Variants in IL2RB observed in about 807,000 individuals in gnomAD.
The protein encoded by IL2RB is interleukin-2 receptor subunit beta.
In IL2RB, 17 loss-of-function variants were observed where a neutral mutation model predicts 44.2. The observed-to-expected ratio is 0.38, with a 90% CI of 0.26 to 0.58. The LOEUF (loss-of-function observed/expected upper bound fraction) is 0.58. IL2RB is among the 20% of genes least tolerant of loss of function. The pLI is 0.63. For missense variants in IL2RB, 624 were observed against 685.5 expected (o/e 0.91, Z 1.00); for synonymous variants, 286 against 297.9 (o/e 0.96, Z 0.41).
At chr22:37,146,442 C>T (rs966101959) in intron 1 of IL2RB, among the ~76,000 whole-genome samples, 11 of 152,136 alleles carry the variant, frequency 7.2e-5, no homozygotes, top group African/African-American at 1.4e-4. Context: ...ACACACACAC[C>T]GCACCTACCT....
chr22:37,148,036 C>A (rs188806575), intron 1 of IL2RB, among the ~76,000 whole-genome samples: 6 of 152,326 alleles, frequency 3.9e-5, no homozygotes, highest in African/African-American at 1.2e-4. Flanking sequence ...ACAGGAACTG[C>A]AGAGAGCCCC....
intron 7 of IL2RB, 117 bp from the exon 8 acceptor site, chr22:37,135,559 G>A (rs1921647120): frequency 1.5e-6 from 1 of 649,992 alleles, no homozygotes; most frequent in Non-Finnish European, 2.8e-6. Flanking sequence ...CTGCGTCTGG[G>A]GGGCTGGGGA....
At chr22:37,132,931 G>A (rs911069942) in intron 8 of IL2RB, among the ~76,000 whole-genome samples, 1 of 152,210 alleles carries the variant, frequency 6.6e-6, no homozygotes, top group African/African-American at 2.4e-5. Flanking sequence ...ACTGCCCAAG[G>A]GCATTAGGCT....
chr22:37,141,127 C>G lies in IL2RB; in HGVS notation c.282+1307G>C, dbSNP rs1371567657. Reference sequence around the variant, plus strand: ...GGCTGTGGACCCAGGCCTCCTGGTGCTGTTGGGGGCTGGGATCAGGCAAGA... The same window carrying G: ...GGCTGTGGACCCAGGCCTCCTGGTGGTGTTGGGGGCTGGGATCAGGCAAGA... On this transcript the variant is annotated intron_variant, in intron 4 of 9. Transcript: ENST00000216223. This position sits in a 1 kb window ranked among gnomAD's most constrained non-coding sequence, Gnocchi z 4.4. Among the ~76,000 whole-genome samples the G allele has an allele frequency of 1.3e-5, 2 of 152,118 alleles. No individual in the cohort carries two copies. The highest frequency in any genetic ancestry group is 4.8e-5 in the African/African-American group (2 of 41,446).
intron 3 of IL2RB, chr22:37,142,731 T>C (rs1296461735): frequency 1.4e-6 from 1 of 698,162 alleles, no homozygotes; most frequent in African/African-American, 1.8e-5. Context: ...CCCAGCCTGG[T>C]CCCACGGCAG....
chr22:37,146,437 C>T (rs1460196767), intron 1 of IL2RB, among the ~76,000 whole-genome samples: 2 of 152,192 alleles, frequency 1.3e-5, no homozygotes, highest in African/African-American at 2.4e-5. Context: ...AAAGCACACA[C>T]ACACCGCACC....
rs769321719 is a variant in IL2RB, at chr22:37,144,168, G to A, written c.5C>T (p.Ala2Val). The A allele has an allele frequency of 3.2e-5, 49 of 1,550,822 alleles. No homozygotes were observed. Among genetic ancestry groups the A allele is most frequent in the Non-Finnish European group, 3.7e-5 (42 of 1,146,666 alleles). ...CAGACGCCAGGACAGAGCAGGGGCC[G>A]CCATTACATCCACAGGGTGGAGCCG... M[A>V]APALSWRLPL... is the part of the protein sequence containing the mutation. Residue 2 changes from alanine (A) to valine (V), a missense_variant, in exon 2 of 10, where the codon GCG becomes GTG. Physicochemically the swap from Ala to Val is moderately conservative, Grantham distance 64. Around this residue, in one of 3 missense-constraint regions of IL2RB, gnomAD observed 78 missense variants for 70.0 expected, o/e 1.11. Coordinates refer to ENST00000216223, the MANE Select transcript of IL2RB (RefSeq NM_000878.5).
chr22:37,135,297 G>T, intron 8 of IL2RB, 31 bp downstream of exon 8: 1 of 1,476,394 alleles, frequency 6.8e-7, no homozygotes, highest in Non-Finnish European at 9.5e-7. Context: ...AGGGGTGGGA[G>T]CATGAAGGAA....
At chr22:37,144,459 G>A (rs1922129679) in intron 1 of IL2RB, among the ~76,000 whole-genome samples, 1 of 152,126 alleles carries the variant, frequency 6.6e-6, no homozygotes, top group Non-Finnish European at 1.5e-5. Flanking sequence ...AGAAGCACCC[G>A]TCGTGGCCAG....
intron 8 of IL2RB, among the ~76,000 whole-genome samples, chr22:37,134,168 AT>A: frequency 6.6e-6 from 1 of 152,354 alleles, no homozygotes; most frequent in Admixed American, 6.5e-5. Flanking sequence ...ATAATAAAAA[AT>A]AATACAAATT....
intron 1 of IL2RB, among the ~76,000 whole-genome samples, chr22:37,169,012 A>C (rs1256438497): frequency 6.6e-6 from 1 of 151,592 alleles, no homozygotes; most frequent in Non-Finnish European, 1.5e-5. Context: ...TGCTGTTTAC[A>C]GAGGGGTTCT....
At chr22:37,137,824 T>C in intron 5 of IL2RB, 89 bp from the exon 6 acceptor site, 1 of 1,209,706 alleles carries the variant, frequency 8.3e-7, no homozygotes, top group Non-Finnish European at 1.2e-6. Flanking sequence ...TGGCACATGC[T>C]ACCACCTCCC....
At chr22:37,140,772 G>A (rs1921927399) in intron 4 of IL2RB, among the ~76,000 whole-genome samples, 2 of 152,164 alleles carry the variant, frequency 1.3e-5, no homozygotes, top group Non-Finnish European at 2.9e-5. Flanking sequence ...TATGGACATG[G>A]CCATATGCCC....
At chr22:37,174,192 C>A (rs865935325) in intron 1 of IL2RB, among the ~76,000 whole-genome samples, 2 of 152,336 alleles carry the variant, frequency 1.3e-5, no homozygotes, top group Middle Eastern at 3.4e-3. Flanking sequence ...GATTCTCTTT[C>A]ACCCACCCTT....
At chr22:37,129,469 G>A (rs3218325) in intron 9 of IL2RB, among the ~76,000 whole-genome samples, 2,062 of 39,272 alleles carry the variant, frequency 0.053, 52 homozygotes, top group African/African-American at 0.15. Flanking sequence ...CACCCCCTCC[G>A]CCTCCCATCC....
At chr22:37,144,487 G>A (rs1255854217) in intron 1 of IL2RB, among the ~76,000 whole-genome samples, 1 of 152,220 alleles carries the variant, frequency 6.6e-6, no homozygotes, top group African/African-American at 2.4e-5. Context: ...GCTCATGCCT[G>A]TAATCCCAGC....
chr22:37,143,448 G>T, intron 3 of IL2RB, 73 bp downstream of exon 3: 1 of 987,696 alleles, frequency 1.0e-6, no homozygotes, highest in Non-Finnish European at 1.6e-6. Context: ...TGACTCCTTG[G>T]AGTCCAGTGC....
intron 2 of IL2RB, among the ~76,000 whole-genome samples, 179 bp downstream of exon 2, chr22:37,143,906 T>C (rs1359149310): frequency 2.3e-5 from 3 of 131,934 alleles, no homozygotes; most frequent in African/African-American, 1.0e-4. Flanking sequence ...TGTGTGTGTG[T>C]GTGTGTGTGT....
chr22:37,143,477 G>T (rs1247744265), intron 3 of IL2RB, 44 bp downstream of exon 3: 1 of 1,310,314 alleles, frequency 7.6e-7, no homozygotes, highest in African/African-American at 1.5e-5. Context: ...CAGAATATGA[G>T]ATCCCACCAT....
Sources: allele counts gnomAD v4.1 joint callset (sites outside exome capture counted in the v4.1 genomes callset), GRCh38; gene constraint gnomAD v4.1.1; regional missense constraint gnomAD v4.1.1; non-coding constraint Gnocchi (gnomAD v3.1); transcripts MANE v1.5; gene names NCBI Gene and HGNC (gene_info 2026-07-23, HGNC 2026-07-21).